The following ACSL5 variants were observed in gnomAD, a reference collection of about 807,000 sequenced individuals.
ACSL5 encodes long-chain-fatty-acid--CoA ligase 5.
ACSL5 carries 50 observed loss-of-function variants against 84.9 expected under a neutral mutation model. The observed-to-expected ratio is 0.59, with a 90% CI of 0.47 to 0.75. ACSL5 has a LOEUF of 0.75. ACSL5 is among the 30% of genes least tolerant of loss of function. ACSL5 has a pLI of 0.00. For synonymous variants in ACSL5, 280 were observed against 300.7 expected, an observed-to-expected ratio of 0.93 and a Z score of 0.71; for missense variants, 775 against 830.4, an observed-to-expected ratio of 0.93 and a Z score of 0.82.
chr10:112,405,073 T>C (rs1245985585), intron 5 of ACSL5, among the ~76,000 whole-genome samples: 3 of 152,184 alleles, frequency 2.0e-5, no homozygotes, highest in African/African-American at 7.2e-5. Context: ...GATTGTTACA[T>C]GAGGAAAATA....
chr10:112,418,966 G>A (rs1005104562), intron 14 of ACSL5: 5 of 152,146 alleles, frequency 3.3e-5, no homozygotes, highest in South Asian at 2.1e-4. Context: ...AGGGTCAACC[G>A]TACCCAAATA....
At chr10:112,413,051 C>T in intron 11 of ACSL5, 122 bp from the exon 12 acceptor site, 1 of 1,062,770 alleles carries the variant, frequency 9.4e-7, no homozygotes, top group South Asian at 1.5e-5. Context: ...CAAATTCCTT[C>T]CAAGACAGGT....
chr10:112,391,305 G>A (rs965326841), intron 1 of ACSL5, among the ~76,000 whole-genome samples: 4 of 151,790 alleles, frequency 2.6e-5, no homozygotes, highest in Admixed American at 2.6e-4. Flanking sequence ...GGGAGGCAGA[G>A]GTTGCAATCA....
intron 1 of ACSL5, among the ~76,000 whole-genome samples, chr10:112,374,547 C>T (rs1485174133): frequency 6.6e-6 from 1 of 152,130 alleles, no homozygotes; most frequent in African/African-American, 2.4e-5. Context: ...TACTAAAGCA[C>T]ACCAAGCCAG....
At position 112,427,968 on chromosome 10, in the gene ACSL5, T is replaced by A. The variant is rs779988686; in HGVS notation, c.*610T>A. Reference sequence around the variant, plus strand: ...GGAAAAGTTTGATCATACCAAACATTTCCTAAACTCTCTAGTTAGATATCT... The same window carrying A: ...GGAAAAGTTTGATCATACCAAACATATCCTAAACTCTCTAGTTAGATATCT... On this transcript the variant is annotated 3_prime_UTR_variant, in exon 21 of 21. Coordinates refer to ENST00000354655, the MANE Select transcript of ACSL5 (RefSeq NM_203379.2). 3.1e-4 allele frequency: 48 copies of A among 154,356 alleles called. No homozygotes were observed. Among genetic ancestry groups the A allele is most frequent in the Non-Finnish European group, 4.6e-4 (32 of 69,438 alleles). 9.6% of individuals were successfully genotyped at this position (154,356 alleles called of 1,614,324 possible). A position where few individuals can be genotyped will look rare whatever the true frequency, so the allele number is the denominator to read the frequency against.
intron 7 of ACSL5, chr10:112,410,186 T>C: frequency 1.4e-6 from 2 of 1,442,864 alleles, no homozygotes; most frequent in South Asian, 1.3e-5. Context: ...AAAAAAGATT[T>C]AGTTAGGGCC....
chr10:112,391,298 A>G (rs1220930623), intron 1 of ACSL5, among the ~76,000 whole-genome samples: 1 of 151,418 alleles, frequency 6.6e-6, no homozygotes, highest in Non-Finnish European at 1.5e-5. Context: ...TGAACCTGGG[A>G]GGCAGAGGTT....
At chr10:112,418,696 G>GT (rs1214629519) in intron 14 of ACSL5, 1 of 152,250 alleles carries the variant, frequency 6.6e-6, no homozygotes. Flanking sequence ...TTTTGTATAT[G>GT]TATTATATAC....
chr10:112,382,608 G>A (rs901644506), intron 1 of ACSL5, among the ~76,000 whole-genome samples: 2 of 152,176 alleles, frequency 1.3e-5, no homozygotes, highest in African/African-American at 4.8e-5. Context: ...TCTGGCTCCT[G>A]TAGCTTTTCC....
chr10:112,409,534 C>T lies in ACSL5; in HGVS notation c.560C>T (p.Thr187Ile). ...KADIAMVICD[T>I]PQKALVLIGN... ...GATATCGCCATGGTGATCTGTGACA[C>T]ACCCCAAAAGGCATTGGTGCTGATA... The change falls in exon 7 of 21, where the codon ACA (threonine) becomes ATA (isoleucine). Residue 187 changes from threonine to isoleucine, a missense_variant. By Grantham distance (89) the Thr-to-Ile change is moderately conservative (BLOSUM62 -1). Transcript: ENST00000354655. 1 of 1,613,658 alleles carries T rather than the reference C, an allele frequency of 6.2e-7. No homozygotes were observed. Among genetic ancestry groups the T allele is most frequent in the Non-Finnish European group, 8.5e-7 (1 of 1,179,972 alleles).
Position 112,428,303 on chromosome 10 carries a change from C to G in ACSL5, c.*945C>G, listed in dbSNP as rs924642330. 7.6e-6 allele frequency: 3 copies of G among 394,760 alleles called. No individual in the cohort carries two copies. The highest frequency in any genetic ancestry group is 6.2e-5 in the African/African-American group (3 of 48,680). The allele number at this position is 394,760 out of a possible 1,614,324, so 24.5% of individuals were successfully genotyped here. A position where few individuals can be genotyped will look rare whatever the true frequency, so the allele number is the denominator to read the frequency against. On this transcript the variant is annotated 3_prime_UTR_variant, in exon 21 of 21. Transcript: ENST00000354655. ...CCACCCTTGGATTAGAGTTCCTGCT[C>G]TACCTTACCCACAGATAACACATGT...
chr10:112,426,426 C>G (rs1844717528), intron 19 of ACSL5, 67 bp downstream of exon 19: 1 of 1,331,252 alleles, frequency 7.5e-7, no homozygotes. Context: ...GATGCCTCAC[C>G]AGTTCCTGCA....
At chr10:112,411,110 A>G (rs899967899) in intron 9 of ACSL5, among the ~76,000 whole-genome samples, 23 of 152,196 alleles carry the variant, frequency 1.5e-4, no homozygotes, top group African/African-American at 7.2e-5. Flanking sequence ...CCATATCACT[A>G]TATAATATTG....
chr10:112,376,168 A>G, intron 1 of ACSL5: 1 of 1,199,320 alleles, frequency 8.3e-7, no homozygotes, highest in Non-Finnish European at 1.2e-6. Context: ...TGGTCAGAAC[A>G]CTTCCACTTT....
chr10:112,423,221 A>T (rs28559631), intron 17 of ACSL5, among the ~76,000 whole-genome samples: 525 of 15,632 alleles, frequency 0.034, 5 homozygotes, highest in Non-Finnish European at 0.036. Context: ...AAAAAAAAAA[A>T]ATATATATAT....
chr10:112,387,210 T>C (rs1415812842), intron 1 of ACSL5, among the ~76,000 whole-genome samples: 2 of 152,196 alleles, frequency 1.3e-5, no homozygotes, highest in African/African-American at 2.4e-5. Flanking sequence ...TCAAATCACC[T>C]CATCTGTCAT....
chr10:112,421,675 C>G lies in ACSL5; in HGVS notation c.1387+10C>G. The G allele has an allele frequency of 1.2e-6, 2 of 1,611,526 alleles. No homozygotes were observed. Among genetic ancestry groups the G allele is most frequent in the Non-Finnish European group, 1.7e-6 (2 of 1,177,634 alleles). ...GGGGACTGGACATCAGGTAAGTCCT[C>G]CATCTGCTGGGCAGGAGGTGCCATG... On this transcript the variant is annotated intron_variant, in intron 15 of 20. Coordinates refer to ENST00000354655, the MANE Select transcript of ACSL5 (RefSeq NM_203379.2).
intron 1 of ACSL5, among the ~76,000 whole-genome samples, chr10:112,382,067 C>A (rs1183674327): frequency 6.6e-6 from 1 of 152,196 alleles, no homozygotes; most frequent in Non-Finnish European, 1.5e-5. Context: ...GCTTTATCTT[C>A]TACTGGACCA....
intron 11 of ACSL5, chr10:112,412,466 G>T (rs1313924411): frequency 6.4e-6 from 1 of 155,614 alleles, no homozygotes; most frequent in African/African-American, 2.4e-5. Flanking sequence ...TGTCAGCATG[G>T]TGCATACCGG....
Sources: allele counts gnomAD v4.1 joint callset (sites outside exome capture counted in the v4.1 genomes callset), GRCh38; gene constraint gnomAD v4.1.1; transcripts MANE v1.5; gene names NCBI Gene and HGNC (gene_info 2026-07-23, HGNC 2026-07-21).